CCBE1: variants seen among roughly 807,000 people sequenced by gnomAD.
The protein encoded by CCBE1 is collagen and calcium binding EGF domains 1.
Under a neutral mutation model 50.0 loss-of-function variants are expected in CCBE1, and 37 were observed. The ratio of observed to expected loss-of-function variants is 0.74; its 90% CI spans 0.57 to 0.97. The LOEUF is 0.97. Ranked by LOEUF, CCBE1 falls within the 50% of genes least tolerant of loss-of-function variation. CCBE1 has a pLI of 0.00. For synonymous variants in CCBE1, 234 were observed against 203.7 expected (o/e 1.15, Z -1.27); for missense variants, 538 against 523.8 (o/e 1.03, Z -0.26).
At chr18:59,580,228 C>A (rs1338634935) in intron 2 of CCBE1, among the ~76,000 whole-genome samples, 1 of 152,182 alleles carries the variant, frequency 6.6e-6, no homozygotes, top group African/African-American at 2.4e-5. Flanking sequence ...TGATCGCCTC[C>A]TTTGGAGATG....
chr18:59,451,596 A>G (rs1292595688), intron 6 of CCBE1, among the ~76,000 whole-genome samples: 1 of 152,162 alleles, frequency 6.6e-6, no homozygotes, highest in Non-Finnish European at 1.5e-5. Context: ...CCACAGAAGA[A>G]GTGGTGGAGG....
intron 2 of CCBE1, among the ~76,000 whole-genome samples, chr18:59,520,076 C>A (rs988461128): frequency 6.6e-6 from 1 of 152,080 alleles, no homozygotes; most frequent in African/African-American, 2.4e-5. Context: ...GTTACTGTAG[C>A]CTTGTAGTAT....
rs61226521 is a variant in CCBE1 at position 59,658,879 on chromosome 18, C to CAAAAAA, written c.212+37744_212+37749dup. Among the ~76,000 whole-genome samples, 244 of 54,742 alleles carry CAAAAAA rather than the reference C, an allele frequency of 4.5e-3. 17 individuals are homozygous for CAAAAAA. The highest frequency in any genetic ancestry group is 0.015 in the African/African-American group (231 of 15,398). 35.9% of individuals were successfully genotyped at this position (54,742 alleles called of 152,430 possible). Reference sequence around the variant, plus strand: ...TGGGCAACAGAGCAAGACTCTGTCTCAAAAAAAAAAAAAAAAAAAAAAAAA... The same window carrying CAAAAAA: ...TGGGCAACAGAGCAAGACTCTGTCTCAAAAAAAAAAAAAAAAAAAAAAAAAAAAAAA... On this transcript the variant is annotated intron_variant, in intron 2 of 10. Coordinates refer to ENST00000439986, the MANE Select transcript of CCBE1 (RefSeq NM_133459.4).
At chr18:59,451,876 C>A (rs1483535408) in intron 6 of CCBE1, among the ~76,000 whole-genome samples, 3 of 152,110 alleles carry the variant, frequency 2.0e-5, no homozygotes, top group Admixed American at 2.0e-4. Context: ...TGCCAGCCAC[C>A]CCAGACCCCC....
At chr18:59,458,392 C>G (rs1442854588) in intron 5 of CCBE1, among the ~76,000 whole-genome samples, 1 of 152,168 alleles carries the variant, frequency 6.6e-6, no homozygotes, top group Non-Finnish European at 1.5e-5. Context: ...AGCGGGGCCG[C>G]CATGAACAAA....
intron 3 of CCBE1, among the ~76,000 whole-genome samples, chr18:59,474,447 G>C (rs1255535542): frequency 1.3e-5 from 2 of 152,162 alleles, no homozygotes; most frequent in Non-Finnish European, 2.9e-5. Context: ...CCTTTTCCTT[G>C]GGTTGTCTAG....
chr18:59,439,526 C>T lies in CCBE1; in HGVS notation c.951+17G>A. On this transcript the variant is annotated intron_variant, in intron 9 of 10. Transcript: ENST00000439986. ...GTGAGAGACCTTTAGCTTGTGAGGA[C>T]CACTCATAAGGCTTACCTTAGAACC... is the stretch of plus-strand genomic sequence containing the variant. 1 of 1,613,978 alleles carries T rather than the reference C, an allele frequency of 6.2e-7. No individual in the cohort carries two copies. The highest frequency in any genetic ancestry group is 8.5e-7 in the Non-Finnish European group (1 of 1,179,840).
chr18:59,537,403 G>T (rs985144176), intron 2 of CCBE1, among the ~76,000 whole-genome samples: 5 of 152,090 alleles, frequency 3.3e-5, no homozygotes, highest in Admixed American at 3.3e-4. Context: ...AAAGATAATT[G>T]AATCACGGGG....
At position 59,597,421 on chromosome 18, in the gene CCBE1, A is replaced by T. The variant is rs140018766; in HGVS notation, c.212+99208T>A. ...TTAGAGAATTTACTGAGTGAAACAC[A>T]TACCTACAGCTTCCTATTTAATCTT... On this transcript the variant is annotated intron_variant, in intron 2 of 10. Transcript: ENST00000439986. Among the ~76,000 whole-genome samples, 338 of 152,338 alleles carry T rather than the reference A, an allele frequency of 2.2e-3. 6 individuals carry two copies. In the East Asian group the frequency reaches 0.032, roughly 14 times the overall value.
At chr18:59,535,271 G>C (rs1305571228) in intron 2 of CCBE1, among the ~76,000 whole-genome samples, 1 of 152,220 alleles carries the variant, frequency 6.6e-6, no homozygotes, top group African/African-American at 2.4e-5. Context: ...TATTCAGTAA[G>C]CATGGACTTA....
At chr18:59,505,572 G>C (rs960030837) in intron 2 of CCBE1, among the ~76,000 whole-genome samples, 5 of 152,210 alleles carry the variant, frequency 3.3e-5, no homozygotes, top group African/African-American at 1.2e-4. Context: ...TTTGGCAAGA[G>C]AAAGGGAGAC....
At chr18:59,697,553 C>T (rs1055988380), upstream of CCBE1, 4 of 633,650 alleles carry the variant, frequency 6.3e-6, no homozygotes, top group Non-Finnish European at 1.1e-5. Flanking sequence ...GCAAACCCAG[C>T]AGAGAAGCAG....
intron 2 of CCBE1, among the ~76,000 whole-genome samples, chr18:59,597,218 A>G (rs1417965910): frequency 6.6e-6 from 1 of 152,224 alleles, no homozygotes; most frequent in Non-Finnish European, 1.5e-5. Flanking sequence ...CCTCATCTGA[A>G]AAATAATGAA....
chr18:59,613,864 T>C (rs906837553), intron 2 of CCBE1, among the ~76,000 whole-genome samples: 7 of 27,472 alleles, frequency 2.5e-4, no homozygotes, highest in Non-Finnish European at 4.0e-4. Context: ...CTCTGATGGG[T>C]TTTTTTTTTT....
intron 2 of CCBE1, among the ~76,000 whole-genome samples, chr18:59,499,718 G>A (rs575888347): frequency 9.0e-4 from 137 of 152,274 alleles, no homozygotes; most frequent in African/African-American, 3.1e-3. Context: ...ATTTGGGTGC[G>A]GACACAGCCA....
chr18:59,641,730 A>C (rs1423245723), intron 2 of CCBE1, among the ~76,000 whole-genome samples: 3 of 152,224 alleles, frequency 2.0e-5, no homozygotes. Flanking sequence ...GGAAATAGAC[A>C]AACAGGTGAA....
At chr18:59,626,010 G>C (rs1052535348) in intron 2 of CCBE1, among the ~76,000 whole-genome samples, 2 of 152,126 alleles carry the variant, frequency 1.3e-5, no homozygotes, top group Admixed American at 6.5e-5. Context: ...CCAGTCTCAA[G>C]TATTTTGTTA....
At chr18:59,690,728 G>T (rs189742818) in intron 2 of CCBE1, among the ~76,000 whole-genome samples, 2 of 152,190 alleles carry the variant, frequency 1.3e-5, no homozygotes, top group Non-Finnish European at 2.9e-5. Context: ...CAATTACTCC[G>T]TATTGTTTCT....
At chr18:59,461,945 G>T (rs1911503766) in intron 5 of CCBE1, among the ~76,000 whole-genome samples, 1 of 152,046 alleles carries the variant, frequency 6.6e-6, no homozygotes, top group South Asian at 2.1e-4. Flanking sequence ...TGTTGGCCAG[G>T]CTGGTCTTGA....
Sources: gnomAD v4.1 joint callset for allele counts (sites outside exome capture counted in the v4.1 genomes callset) on GRCh38, gnomAD v4.1.1 for gene constraint, MANE v1.5 for transcripts, NCBI Gene and HGNC (gene_info 2026-07-23, HGNC 2026-07-21) for gene names.